The following RSU1 variants were observed in gnomAD, a reference collection of about 807,000 sequenced individuals.
RSU1 encodes Ras suppressor protein 1.
A neutral mutation model predicts 31.1 loss-of-function variants in RSU1; 26 were observed. The ratio of observed to expected loss-of-function variants is 0.84; its 90% CI spans 0.61 to 1.16. The LOEUF is 1.16. RSU1 is among the 50% of genes most tolerant of loss of function. The probability of loss-of-function intolerance (pLI) is 0.00; values close to 1 mark genes in which losing one functional copy is unlikely to be tolerated. For missense variants in RSU1, 320 were observed against 339.1 expected, an observed-to-expected ratio of 0.94 and a Z score of 0.44; for synonymous variants, 164 against 136.3, an observed-to-expected ratio of 1.20 and a Z score of -1.41.
At chr10:16,747,990 C>T (rs1388777124) in intron 7 of RSU1, among the ~76,000 whole-genome samples, 2 of 152,216 alleles carry the variant, frequency 1.3e-5, no homozygotes, top group East Asian at 1.9e-4. Flanking sequence ...GCTATGATTG[C>T]ACCACTGCAC....
In RSU1 at chr10:16,591,670, C is replaced by T. The variant is rs1258909344; in HGVS notation, c.*1724G>A. The stretch of plus-strand genomic sequence containing the variant: ...TGCTTCATGTTTCTGGGAGGTATTT[C>T]GTTCCTGTGCGTTTCTGGAGTTTTC... On this transcript the variant is annotated 3_prime_UTR_variant, in exon 9 of 9. Transcript: ENST00000345264. 4.6e-5 allele frequency: 7 copies of T among 152,008 alleles called. No individual in the cohort carries two copies. Among genetic ancestry groups the T allele is most frequent in the East Asian group, 1.9e-4 (1 of 5,182 alleles). The allele number at this position is 152,008 out of a possible 1,614,324, so 9.4% of individuals were successfully genotyped here.
At chr10:16,722,897 T>A (rs535509087) in intron 7 of RSU1, among the ~76,000 whole-genome samples, 109 of 148,094 alleles carry the variant, frequency 7.4e-4, no homozygotes, top group Non-Finnish European at 1.1e-3. Context: ...CATATATGTA[T>A]ATATACACAC....
At chr10:16,708,944 CA>C (rs1467674160) in intron 7 of RSU1, among the ~76,000 whole-genome samples, 2 of 59,366 alleles carry the variant, frequency 3.4e-5, no homozygotes, top group African/African-American at 3.1e-4. Context: ...TTTTGTATCC[CA>C]TAACTACTGA....
chr10:16,687,117 C>A (rs1369285670), intron 8 of RSU1, among the ~76,000 whole-genome samples: 1 of 152,132 alleles, frequency 6.6e-6, no homozygotes, highest in East Asian at 1.9e-4. Context: ...TTTTCCAAGT[C>A]TTTATTTGCA....
intron 8 of RSU1, among the ~76,000 whole-genome samples, chr10:16,631,399 G>A (rs1016013974): frequency 3.9e-5 from 6 of 152,166 alleles, no homozygotes; most frequent in African/African-American, 7.2e-5. Context: ...CTTGTCCAGC[G>A]GTGGCCACCA....
At chr10:16,729,356 G>T (rs1466679823) in intron 7 of RSU1, among the ~76,000 whole-genome samples, 1 of 152,168 alleles carries the variant, frequency 6.6e-6, no homozygotes, top group African/African-American at 2.4e-5. Flanking sequence ...TCACCTCCCT[G>T]TGAGTACCAT....
intron 7 of RSU1, among the ~76,000 whole-genome samples, chr10:16,707,532 C>T (rs1005419077): frequency 6.7e-6 from 1 of 148,938 alleles, no homozygotes. Context: ...GCTTTGGACA[C>T]ATGTCTATTA....
At chr10:16,740,768 A>C (rs1836734056) in intron 7 of RSU1, among the ~76,000 whole-genome samples, 2 of 152,224 alleles carry the variant, frequency 1.3e-5, no homozygotes, top group African/African-American at 2.4e-5. Flanking sequence ...AAAGTATCAA[A>C]AACTCTGAAA....
At chr10:16,674,624 T>G (rs55881942) in intron 8 of RSU1, among the ~76,000 whole-genome samples, 10,549 of 151,062 alleles carry the variant, frequency 0.07, 535 homozygotes, top group East Asian at 0.21. Context: ...GAGGCAGGAG[T>G]GGGTGGTGGG....
At chr10:16,779,785 T>C (rs1564354763) in intron 3 of RSU1, among the ~76,000 whole-genome samples, 2 of 152,136 alleles carry the variant, frequency 1.3e-5, no homozygotes, top group Admixed American at 6.5e-5. Flanking sequence ...TATATTTCCA[T>C]CAAATGGACA....
At chr10:16,811,722 G>C (rs971503246) in intron 2 of RSU1, among the ~76,000 whole-genome samples, 2 of 152,202 alleles carry the variant, frequency 1.3e-5, no homozygotes, top group African/African-American at 4.8e-5. Flanking sequence ...TCTTGTTCCT[G>C]ATAGCTGGAA....
chr10:16,644,638 T>G (rs7907060), intron 8 of RSU1, among the ~76,000 whole-genome samples: 16,202 of 152,162 alleles, frequency 0.11, 2,883 homozygotes, highest in African/African-American at 0.37. Flanking sequence ...TGGCATTAAC[T>G]GCCACACATA....
At chr10:16,731,137 G>A (rs1418822229) in intron 7 of RSU1, among the ~76,000 whole-genome samples, 2 of 152,038 alleles carry the variant, frequency 1.3e-5, no homozygotes, top group African/African-American at 4.8e-5. Context: ...CTTATAATGT[G>A]CTATTATAAG....
chr10:16,785,123 G>A (rs1837744731), intron 2 of RSU1, among the ~76,000 whole-genome samples: 1 of 152,130 alleles, frequency 6.6e-6, no homozygotes, highest in African/African-American at 2.4e-5. Flanking sequence ...GGCTGGGAAA[G>A]GCAGACCCAC....
chr10:16,718,109 A>AAAG (rs1337849514), intron 7 of RSU1, among the ~76,000 whole-genome samples: 1 of 150,974 alleles, frequency 6.6e-6, no homozygotes, highest in East Asian at 1.9e-4. Flanking sequence ...AAAAAAAAAA[A>AAAG]AAAAGAAAGA....
rs531829917 is a variant in RSU1, at chr10:16,657,467, G to A, written c.731+37556C>T. Reference sequence around the variant, plus strand: ...AATATGATCAGTGCAGTTATTCTAGGTTAGACTTTTGGGATTTTTTTTTTT... The same window carrying A: ...AATATGATCAGTGCAGTTATTCTAGATTAGACTTTTGGGATTTTTTTTTTT... On this transcript the variant is annotated intron_variant, in intron 8 of 8. Transcript: ENST00000345264. Among the ~76,000 whole-genome samples, 3 of 149,318 alleles carry A rather than the reference G, an allele frequency of 2.0e-5. No homozygotes were observed. In the South Asian group the frequency reaches 6.3e-4, roughly 31 times the overall value.
chr10:16,805,011 A>G (rs188235347), intron 2 of RSU1, among the ~76,000 whole-genome samples: 65 of 152,268 alleles, frequency 4.3e-4, no homozygotes, highest in Admixed American at 9.8e-4. Flanking sequence ...CAGCCTGGCT[A>G]ACTTGGTGAA....
intron 8 of RSU1, 31 bp from the exon 9 acceptor site, chr10:16,593,527 T>G (rs1375234878): frequency 6.4e-7 from 1 of 1,559,900 alleles, no homozygotes; most frequent in Non-Finnish European, 8.8e-7. Context: ...CACTATCAGA[T>G]CTATTTTGCC....
chr10:16,616,371 CAAAAAA>C (rs529296931), intron 8 of RSU1, among the ~76,000 whole-genome samples: 3 of 90,946 alleles, frequency 3.3e-5, no homozygotes, highest in African/African-American at 3.1e-5. Flanking sequence ...GCCTACCAAC[CAAAAAA>C]AAAAAAAAAA....
Sources: allele counts gnomAD v4.1 joint callset (sites outside exome capture counted in the v4.1 genomes callset), GRCh38; gene constraint gnomAD v4.1.1; transcripts MANE v1.5; gene names NCBI Gene and HGNC (gene_info 2026-07-23, HGNC 2026-07-21).